CHRNA7: variants seen among roughly 807,000 people sequenced by gnomAD.
CHRNA7 encodes cholinergic receptor nicotinic alpha 7 subunit, also known as neuronal acetylcholine receptor subunit alpha-7.
CHRNA7 carries 17 observed loss-of-function variants against 48.0 expected under a neutral mutation model. That is an observed-to-expected ratio of 0.35 (90% confidence interval 0.24 to 0.53). The LOEUF (loss-of-function observed/expected upper bound fraction) is 0.53, where lower values mean the gene tolerates loss of function less well. CHRNA7 is among the 20% of genes least tolerant of loss of function. The pLI is 0.92. For synonymous variants in CHRNA7, 75 were observed against 242.3 expected (o/e 0.31, Z 6.41); for missense variants, 155 against 577.7 (o/e 0.27, Z 7.50).
intron 2 of CHRNA7, among the ~76,000 whole-genome samples, chr15:32,049,428 G>C (rs1275395220): frequency 3.9e-5 from 6 of 152,004 alleles, no homozygotes; most frequent in Non-Finnish European, 8.8e-5. Context: ...TTTGATCTTT[G>C]TTGGTTTAAA....
intron 4 of CHRNA7, among the ~76,000 whole-genome samples, chr15:32,141,403 G>A (rs1244773252): frequency 1.3e-5 from 2 of 152,060 alleles, no homozygotes; most frequent in African/African-American, 2.4e-5. Context: ...TTGGCTATGT[G>A]GGCTCTTTTT....
chr15:32,105,575 A>G lies in CHRNA7; in HGVS notation c.240+4228A>G, dbSNP rs574615019. On this transcript the variant is annotated intron_variant, in intron 3 of 9. Coordinates refer to ENST00000306901, the MANE Select transcript of CHRNA7 (RefSeq NM_000746.6). The stretch of plus-strand genomic sequence containing the variant: ...CAAGAACAAGTATCTCCCCAGGGAT[A>G]TTACAGATGACAGCTGGTGGTCAGA... Among the ~76,000 whole-genome samples the G allele has an allele frequency of 3.9e-5, 6 of 152,334 alleles. No individual in the cohort carries two copies. In the South Asian group the frequency reaches 1.2e-3, roughly 32 times the overall value.
intron 2 of CHRNA7, among the ~76,000 whole-genome samples, chr15:32,064,770 C>A (rs984981685): frequency 1.4e-4 from 22 of 152,124 alleles, no homozygotes; most frequent in Non-Finnish European, 2.9e-4. Flanking sequence ...TCTTAACCCA[C>A]CTCTGTTGTC....
At chr15:32,129,071 A>G (rs1161315815) in intron 4 of CHRNA7, among the ~76,000 whole-genome samples, 2 of 151,900 alleles carry the variant, frequency 1.3e-5, no homozygotes, top group African/African-American at 4.8e-5. Flanking sequence ...TCAGTTTTCA[A>G]TTATTGAACT....
intron 4 of CHRNA7, chr15:32,112,182 A>G (rs965465219): frequency 1.7e-6 from 1 of 575,074 alleles, no homozygotes; most frequent in Non-Finnish European, 3.3e-6. Context: ...TTCTGTGCAT[A>G]TTGGCACATG....
At chr15:32,063,178 ACATTACTGTGTGCTAC>A (rs2049907728) in intron 2 of CHRNA7, among the ~76,000 whole-genome samples, 2 of 152,116 alleles carry the variant, frequency 1.3e-5, no homozygotes, top group East Asian at 3.9e-4. Context: ...ACGGCCTGGG[ACATTACTGTGTGCTAC>A]TGTAGACTTC....
rs147891807 is a variant in CHRNA7, at chr15:32,076,387, G to T, written c.196-24916G>T. Among the ~76,000 whole-genome samples, 558 of 152,196 alleles carry T rather than the reference G, an allele frequency of 3.7e-3. 2 individuals are homozygous for T. The highest frequency in any genetic ancestry group is 6.3e-3 in the Non-Finnish European group (430 of 67,994). Reference sequence around the variant, plus strand: ...ATTGCTGTGTTTTCTTGGCAGATTGGCCTGTTTATCGTCAGATATTGTCTC... The same window carrying T: ...ATTGCTGTGTTTTCTTGGCAGATTGTCCTGTTTATCGTCAGATATTGTCTC... On this transcript the variant is annotated intron_variant, in intron 2 of 9. Coordinates refer to ENST00000306901, the MANE Select transcript of CHRNA7 (RefSeq NM_000746.6).
At chr15:32,150,355 G>C (rs1193424482) in intron 4 of CHRNA7, among the ~76,000 whole-genome samples, 1 of 152,186 alleles carries the variant, frequency 6.6e-6, no homozygotes, top group Non-Finnish European at 1.5e-5. Context: ...ACTGTGCCCA[G>C]ACTATAGACC....
chr15:32,108,836 C>T (rs1248471483), intron 3 of CHRNA7, among the ~76,000 whole-genome samples: 1 of 152,236 alleles, frequency 6.6e-6, no homozygotes, highest in African/African-American at 2.4e-5. Flanking sequence ...TATCTCATCT[C>T]ATCCTGTGAG....
chr15:32,048,690 G>A (rs1315132433), intron 2 of CHRNA7, among the ~76,000 whole-genome samples: 1 of 151,794 alleles, frequency 6.6e-6, no homozygotes, highest in Non-Finnish European at 1.5e-5. Flanking sequence ...TCTGATTTTA[G>A]TTATTTCTTG....
chr15:32,083,732 CA>C (rs2050251801), intron 2 of CHRNA7, among the ~76,000 whole-genome samples: 1 of 152,132 alleles, frequency 6.6e-6, no homozygotes, highest in African/African-American at 2.4e-5. Flanking sequence ...TCATATATAA[CA>C]AAAGGTCATT....
intron 2 of CHRNA7, among the ~76,000 whole-genome samples, chr15:32,083,421 T>C (rs1227610470): frequency 6.7e-6 from 1 of 149,088 alleles, no homozygotes; most frequent in East Asian, 1.9e-4. Flanking sequence ...AGAAATAAAT[T>C]TCTTTATAAA....
chr15:32,114,045 T>TATATATACAC (rs1555383680), intron 4 of CHRNA7, among the ~76,000 whole-genome samples: 11 of 35,348 alleles, frequency 3.1e-4, no homozygotes, highest in Non-Finnish European at 5.8e-4. Context: ...TATATATATG[T>TATATATACAC]ATATATATAT....
At chr15:32,040,092 A>G (rs957394476) in intron 2 of CHRNA7, among the ~76,000 whole-genome samples, 1 of 152,092 alleles carries the variant, frequency 6.6e-6, no homozygotes, top group African/African-American at 2.4e-5. Context: ...TAGTGTTAGC[A>G]TGGTATATTT....
At chr15:32,059,579 C>T (rs1055007853) in intron 2 of CHRNA7, among the ~76,000 whole-genome samples, 3 of 152,164 alleles carry the variant, frequency 2.0e-5, no homozygotes, top group Non-Finnish European at 2.9e-5. Context: ...AGACTGGAAT[C>T]TGCCTTTGCT....
chr15:32,131,564 C>G (rs969669366), intron 4 of CHRNA7, among the ~76,000 whole-genome samples: 24 of 152,174 alleles, frequency 1.6e-4, no homozygotes, highest in African/African-American at 5.5e-4. Context: ...TTGAGACTTT[C>G]TATTTTTTCA....
At chr15:32,084,022 A>G (rs1008319638) in intron 2 of CHRNA7, among the ~76,000 whole-genome samples, 1 of 152,206 alleles carries the variant, frequency 6.6e-6, no homozygotes, top group Non-Finnish European at 1.5e-5. Flanking sequence ...AGGGAGAGGT[A>G]TAGTTTTCCT....
chr15:32,148,409 G>T (rs1304855158), intron 4 of CHRNA7, among the ~76,000 whole-genome samples: 1 of 152,148 alleles, frequency 6.6e-6, no homozygotes, highest in Non-Finnish European at 1.5e-5. Context: ...CTGGCTCAGT[G>T]TTGAGGCCTC....
intron 2 of CHRNA7, among the ~76,000 whole-genome samples, chr15:32,044,489 G>A (rs539570738): frequency 1.3e-5 from 2 of 152,188 alleles, no homozygotes; most frequent in East Asian, 1.9e-4. Flanking sequence ...TATTGGCCAG[G>A]CTGGTCTCCA....
Sources: gnomAD v4.1 joint callset for allele counts (sites outside exome capture counted in the v4.1 genomes callset) on GRCh38, gnomAD v4.1.1 for gene constraint, MANE v1.5 for transcripts, NCBI Gene and HGNC (gene_info 2026-07-23, HGNC 2026-07-21) for gene names.